The following KCNH5 variants were observed in gnomAD, a reference collection of about 807,000 sequenced individuals.
The protein encoded by KCNH5 is potassium voltage-gated channel subfamily H member 5, also known as voltage-gated delayed rectifier potassium channel KCNH5.
In KCNH5, 46 loss-of-function variants were observed where a neutral mutation model predicts 96.1. The observed-to-expected ratio is 0.48, with a 90% CI of 0.38 to 0.61. The LOEUF is 0.61. Among genes scored for constraint, KCNH5 ranks in the 20% least tolerant of loss-of-function variants. The probability of loss-of-function intolerance (pLI) is 0.00; values close to 1 mark genes in which losing one functional copy is unlikely to be tolerated. For missense variants in KCNH5, 907 were observed against 1,225.8 expected (o/e 0.74, Z 3.88); for synonymous variants, 439 against 449.8 (o/e 0.98, Z 0.30).
intron 10 of KCNH5, among the ~76,000 whole-genome samples, chr14:62,736,482 CA>C (rs1199608959): frequency 3.3e-5 from 5 of 152,112 alleles, no homozygotes; most frequent in African/African-American, 4.8e-5. Context: ...ATAACATCTC[CA>C]GACAGAAACA....
At chr14:62,954,509 C>A (rs1162431566) in intron 6 of KCNH5, among the ~76,000 whole-genome samples, 2 of 152,108 alleles carry the variant, frequency 1.3e-5, no homozygotes, top group African/African-American at 2.4e-5. Flanking sequence ...ATGAAACAAG[C>A]AAATGTTGGG....
intron 7 of KCNH5, among the ~76,000 whole-genome samples, chr14:62,941,471 A>G (rs1198970660): frequency 2.0e-5 from 3 of 152,158 alleles, no homozygotes; most frequent in Non-Finnish European, 4.4e-5. Context: ...AAACCATGAT[A>G]AAAGGTGCCT....
At chr14:62,824,688 T>TAAC (rs1887184230) in intron 8 of KCNH5, among the ~76,000 whole-genome samples, 1 of 152,218 alleles carries the variant, frequency 6.6e-6, no homozygotes, top group African/African-American at 2.4e-5. Flanking sequence ...TGTGTGATGC[T>TAAC]GAAGTTCAGT....
intron 10 of KCNH5, among the ~76,000 whole-genome samples, chr14:62,720,288 G>C (rs1335497872): frequency 6.6e-6 from 1 of 152,192 alleles, no homozygotes; most frequent in Non-Finnish European, 1.5e-5. Context: ...TTACCTGTGA[G>C]GGGAGGGGAA....
At chr14:62,727,350 G>A (rs1167305869) in intron 10 of KCNH5, among the ~76,000 whole-genome samples, 1 of 152,074 alleles carries the variant, frequency 6.6e-6, no homozygotes, top group Non-Finnish European at 1.5e-5. Flanking sequence ...GGGCAACAGA[G>A]TGAGACTCTG....
intron 7 of KCNH5, among the ~76,000 whole-genome samples, chr14:62,931,364 G>C (rs117905266): frequency 0.021 from 3,145 of 152,200 alleles, 61 homozygotes; most frequent in East Asian, 0.082. Flanking sequence ...TGAACCAGCA[G>C]AACTAACAGA....
chr14:62,722,070 T>C (rs953048200), intron 10 of KCNH5, among the ~76,000 whole-genome samples: 2 of 152,202 alleles, frequency 1.3e-5, no homozygotes, highest in African/African-American at 4.8e-5. Context: ...CAGAAGAATA[T>C]CATCATTTTA....
chr14:62,926,790 T>C (rs922808775), intron 7 of KCNH5, among the ~76,000 whole-genome samples: 3 of 152,088 alleles, frequency 2.0e-5, no homozygotes, highest in Admixed American at 6.6e-5. Context: ...CTGTATCTCA[T>C]ACAGTCACAT....
chr14:62,757,867 C>T (rs117607952), intron 10 of KCNH5, among the ~76,000 whole-genome samples: 6 of 151,950 alleles, frequency 3.9e-5, no homozygotes, highest in East Asian at 1.9e-4. Flanking sequence ...TAGTTACAGC[C>T]GAGGGTGGTG....
chr14:62,843,165 A>C (rs1240335330), intron 8 of KCNH5, among the ~76,000 whole-genome samples: 1 of 152,208 alleles, frequency 6.6e-6, no homozygotes, highest in African/African-American at 2.4e-5. Flanking sequence ...ATATAACAAA[A>C]TTCCAAGAAC....
chr14:62,813,028 A>G (rs1315799053), intron 8 of KCNH5, among the ~76,000 whole-genome samples: 1 of 152,154 alleles, frequency 6.6e-6, no homozygotes, highest in Non-Finnish European at 1.5e-5. Flanking sequence ...ATCAAGTTAC[A>G]ACAAATAACC....
At chr14:62,713,344 T>C (rs1329999733) in intron 10 of KCNH5, among the ~76,000 whole-genome samples, 1 of 152,184 alleles carries the variant, frequency 6.6e-6, no homozygotes, top group Non-Finnish European at 1.5e-5. Flanking sequence ...AGCTATATCA[T>C]TTGCCTTCTG....
chr14:62,816,978 T>C (rs974809875), intron 8 of KCNH5, among the ~76,000 whole-genome samples: 10 of 150,116 alleles, frequency 6.7e-5, no homozygotes, highest in African/African-American at 2.4e-4. Context: ...AGCTCCAGAA[T>C]TCCTGTTTGG....
intron 7 of KCNH5, among the ~76,000 whole-genome samples, chr14:62,940,338 A>G (rs1290811949): frequency 1.3e-5 from 2 of 152,016 alleles, no homozygotes; most frequent in African/African-American, 4.8e-5. Context: ...AAAAAAAAAA[A>G]GTTTGCCAAC....
chr14:63,020,053 C>T (rs1484391450), intron 1 of KCNH5, among the ~76,000 whole-genome samples: 3 of 152,014 alleles, frequency 2.0e-5, no homozygotes, highest in African/African-American at 4.8e-5. Context: ...GAAACAACAG[C>T]CAATGAGCAC....
intron 5 of KCNH5, among the ~76,000 whole-genome samples, chr14:62,984,131 T>G (rs1890661978): frequency 6.6e-6 from 1 of 152,210 alleles, no homozygotes; most frequent in Non-Finnish European, 1.5e-5. Context: ...CATTTGTGCT[T>G]CTATAAGCAA....
intron 10 of KCNH5, among the ~76,000 whole-genome samples, chr14:62,751,700 G>C (rs113330394): frequency 0.041 from 6,209 of 152,284 alleles, 256 homozygotes; most frequent in African/African-American, 0.11. Context: ...CCCATGTGGG[G>C]GATGAGCTTA....
chr14:62,804,762 T>C (rs886268858), intron 8 of KCNH5, among the ~76,000 whole-genome samples: 21 of 152,338 alleles, frequency 1.4e-4, no homozygotes, highest in African/African-American at 5.0e-4. Context: ...TTAGGCTTAT[T>C]GCAGAAATTA....
intron 6 of KCNH5, among the ~76,000 whole-genome samples, chr14:62,962,175 T>C (rs1890226158): frequency 6.6e-6 from 1 of 152,130 alleles, no homozygotes; most frequent in African/African-American, 2.4e-5. Flanking sequence ...TCCTGAATCT[T>C]CTATGAAAAT....
Sources: allele counts gnomAD v4.1 joint callset (sites outside exome capture counted in the v4.1 genomes callset), GRCh38; gene constraint gnomAD v4.1.1; transcripts MANE v1.5; gene names NCBI Gene and HGNC (gene_info 2026-07-23, HGNC 2026-07-21).